SASH1: variants seen among roughly 807,000 people sequenced by gnomAD.
SASH1 encodes the protein SAM and SH3 domain-containing protein 1.
Under a neutral mutation model 125.2 loss-of-function variants are expected in SASH1, and 44 were observed. The observed-to-expected ratio is 0.35, with a 90% confidence interval of 0.28 to 0.45. SASH1 has a LOEUF of 0.45. Ranked by LOEUF, SASH1 falls within the 20% of genes least tolerant of loss-of-function variation. The pLI is 1.00. For missense variants in SASH1, 1,426 were observed against 1,614.5 expected, an observed-to-expected ratio of 0.88 and a Z score of 2.00; for synonymous variants, 639 against 649.1, an observed-to-expected ratio of 0.98 and a Z score of 0.24.
chr6:148,357,828 G>A (rs1782004656), intron 1 of SASH1, among the ~76,000 whole-genome samples: 1 of 152,096 alleles, frequency 6.6e-6, no homozygotes. Flanking sequence ...GGGAGACTGA[G>A]GTAGATGGAT....
chr6:148,407,371 G>T (rs1026832231), intron 2 of SASH1, among the ~76,000 whole-genome samples: 2 of 152,038 alleles, frequency 1.3e-5, no homozygotes, highest in Non-Finnish European at 2.9e-5. Context: ...TTAGCTTTAT[G>T]CCCTCAGCGT....
intron 8 of SASH1, among the ~76,000 whole-genome samples, chr6:148,490,454 C>T (rs1779061608): frequency 1.3e-5 from 2 of 152,162 alleles, no homozygotes; most frequent in Admixed American, 6.5e-5. Flanking sequence ...GTGATCCACC[C>T]ACCTCGGGCT....
chr6:148,503,889 T>C (rs1317673018), intron 8 of SASH1, among the ~76,000 whole-genome samples: 1 of 152,218 alleles, frequency 6.6e-6, no homozygotes, highest in East Asian at 1.9e-4. Context: ...GAGTATGGGA[T>C]GATACGTCAT....
Position 148,495,939 on chromosome 6 carries a change from G to A in SASH1, c.729+8224G>A, listed in dbSNP as rs892146446. ...CAACCTCCACCTCCTGGGTTCACGC[G>A]ATTCTCCTGCCTCAGCCTCCAGAGT... On this transcript the variant is annotated intron_variant, in intron 8 of 19. Transcript: ENST00000367467. The surrounding 1 kb of genome is among the most constrained non-coding windows in gnomAD (Gnocchi z 4.0). 9.9e-5 allele frequency among the ~76,000 whole-genome samples: 15 copies of A among 151,996 alleles called. No individual in the cohort carries two copies. Among genetic ancestry groups the A allele is most frequent in the African/African-American group, 3.1e-4 (13 of 41,384 alleles).
rs1376186507 is a variant in SASH1, at chr6:148,550,908, C to G, written c.*2350C>G. The G allele has an allele frequency of 3.3e-5, 5 of 152,440 alleles. No homozygotes were observed. Among genetic ancestry groups the G allele is most frequent in the African/African-American group, 1.2e-4 (5 of 41,458 alleles). 9.4% of individuals were successfully genotyped at this position (152,440 alleles called of 1,614,324 possible). On this transcript the variant is annotated 3_prime_UTR_variant, in exon 20 of 20. Transcript: ENST00000367467. ...TCATGTGAATTTCCAAGTTTTAATTCGTTCTCCATGAAGGATTTTCATTTC... is the reference window on the plus strand; with the variant it reads ...TCATGTGAATTTCCAAGTTTTAATTGGTTCTCCATGAAGGATTTTCATTTC...
At chr6:148,516,944 T>C (rs1780476160) in intron 9 of SASH1, among the ~76,000 whole-genome samples, 1 of 152,132 alleles carries the variant, frequency 6.6e-6, no homozygotes, top group African/African-American at 2.4e-5. Flanking sequence ...CAAGTCCTTA[T>C]CCTGTCAGGG....
At chr6:148,507,306 G>A (rs1357714108) in intron 8 of SASH1, among the ~76,000 whole-genome samples, 1 of 152,132 alleles carries the variant, frequency 6.6e-6, no homozygotes, top group African/African-American at 2.4e-5. Flanking sequence ...CCCGCAATGT[G>A]TGCGTGGTAA....
chr6:148,495,582 G>A lies in SASH1; in HGVS notation c.729+7867G>A, dbSNP rs1015256311. 3.9e-5 allele frequency among the ~76,000 whole-genome samples: 6 copies of A among 152,012 alleles called. No individual in the cohort carries two copies. Among genetic ancestry groups the A allele is most frequent in the South Asian group, 2.1e-4 (1 of 4,830 alleles). ...CTTCATCATGTGGAAAAGTCTGACCGCAAAGATTTCTTTAATGGCAGCATA... is the reference window on the plus strand; with the variant it reads ...CTTCATCATGTGGAAAAGTCTGACCACAAAGATTTCTTTAATGGCAGCATA... On this transcript the variant is annotated intron_variant, in intron 8 of 19. Transcript: ENST00000367467. This position sits in a 1 kb window ranked among gnomAD's most constrained non-coding sequence, Gnocchi z 4.0.
intron 1 of SASH1, among the ~76,000 whole-genome samples, chr6:148,294,169 G>T (rs1296970439): frequency 6.6e-6 from 1 of 152,224 alleles, no homozygotes; most frequent in East Asian, 1.9e-4. Flanking sequence ...CTTGGATTTT[G>T]CACAAAAAAA....
chr6:148,421,202 AAAGAAAG>A (rs1344988968), intron 2 of SASH1, among the ~76,000 whole-genome samples: 3 of 140,730 alleles, frequency 2.1e-5, no homozygotes, highest in African/African-American at 7.5e-5. Flanking sequence ...AGAAAGAAAG[AAAGAAAG>A]AAAGAAAAAG....
At chr6:148,197,408 T>G in the SASH1 span, among the ~76,000 whole-genome samples, 3 of 152,180 alleles carry the variant, frequency 2.0e-5, no homozygotes, top group Non-Finnish European at 4.4e-5. Flanking sequence ...GTCTAATTAT[T>G]TTCCATAGAT....
At chr6:148,305,623 C>CAAAAAAAAA (rs59521298) in intron 1 of SASH1, among the ~76,000 whole-genome samples, 31 of 104,286 alleles carry the variant, frequency 3.0e-4, no homozygotes, top group African/African-American at 3.9e-4. Flanking sequence ...GACTCTGACT[C>CAAAAAAAAA]AAAAAAAAAA....
chr6:148,337,340 C>T (rs1322521677), intron 1 of SASH1, among the ~76,000 whole-genome samples: 2 of 151,952 alleles, frequency 1.3e-5, no homozygotes, highest in African/African-American at 4.8e-5. Context: ...TCTCCTGCTT[C>T]AGCCTCCCAA....
At chr6:148,247,403 G>T in the SASH1 span, among the ~76,000 whole-genome samples, 2 of 152,174 alleles carry the variant, frequency 1.3e-5, no homozygotes, top group Admixed American at 1.3e-4. Context: ...AAGATAGCCT[G>T]GTACCTCCAT....
At chr6:148,527,363 T>C in intron 11 of SASH1, 90 bp from the exon 12 acceptor site, 1 of 1,177,568 alleles carries the variant, frequency 8.5e-7, no homozygotes, top group Non-Finnish European at 1.2e-6. Flanking sequence ...ATGTCAATAT[T>C]TCTGAGAGCT....
chr6:148,488,927 T>G (rs879323986), intron 8 of SASH1, among the ~76,000 whole-genome samples: 43 of 152,346 alleles, frequency 2.8e-4, no homozygotes, highest in African/African-American at 9.4e-4. Context: ...GTGGGATGCC[T>G]TTTACCTCTC....
the SASH1 span, among the ~76,000 whole-genome samples, chr6:148,256,141 G>A: frequency 1.4e-4 from 21 of 152,142 alleles, no homozygotes; most frequent in South Asian, 3.1e-3. Flanking sequence ...AAATTTCTGC[G>A]GAATTCAATT....
At chr6:148,527,705 T>A in intron 12 of SASH1, 109 bp downstream of exon 12, 1 of 1,059,884 alleles carries the variant, frequency 9.4e-7, no homozygotes, top group Non-Finnish European at 1.4e-6. Flanking sequence ...TCCTTGGCAT[T>A]AACCTGCTCC....
chr6:148,277,698 G>GA (rs1779224001), intron 1 of SASH1, among the ~76,000 whole-genome samples: 1 of 152,132 alleles, frequency 6.6e-6, no homozygotes, highest in Non-Finnish European at 1.5e-5. Context: ...ACTTAAAAGA[G>GA]AAAAAATATG....
Sources: allele counts gnomAD v4.1 joint callset (sites outside exome capture counted in the v4.1 genomes callset), GRCh38; gene constraint gnomAD v4.1.1; non-coding constraint Gnocchi (gnomAD v3.1); transcripts MANE v1.5; gene names NCBI Gene and HGNC (gene_info 2026-07-23, HGNC 2026-07-21).